Variants in ZNF728 observed in about 807,000 individuals in gnomAD.
ZNF728 encodes the protein zinc finger protein 728.
Under a neutral mutation model 12.5 loss-of-function variants are expected in ZNF728, and 12 were observed. The ratio of observed to expected loss-of-function variants is 0.96; its 90% confidence interval spans 0.61 to 1.55. The LOEUF (loss-of-function observed/expected upper bound fraction) is 1.55. Ranked by LOEUF, ZNF728 falls within the 40% of genes most tolerant of loss-of-function variation. The pLI is 0.00. For missense variants in ZNF728, 692 were observed against 719.2 expected (o/e 0.96, Z 0.43); for synonymous variants, 205 against 240.7 (o/e 0.85, Z 1.37).
At position 22,976,830 on chromosome 19, in the gene ZNF728, T is replaced by C. The variant is rs1968809127; in HGVS notation, c.507A>G (p.Gly169=). The C allele has an allele frequency of 6.2e-7, 1 of 1,613,450 alleles. No homozygotes were observed. The highest frequency in any genetic ancestry group is 2.2e-5 in the East Asian group (1 of 44,826). The change falls in exon 4 of 4, where the codon GGA becomes GGG. Residue 169 remains glycine, a synonymous_variant. Coordinates refer to ENST00000594710, the MANE Select transcript of ZNF728 (RefSeq NM_001267716.2). ...NSKRHKIRHT[G]KKLLKCKEYV... ...ATTCTTTACATTTCAAAAGTTTCTT[T>C]CCAGTATGCCTTATCTTATGTCTTT...
intron 3 of ZNF728, among the ~76,000 whole-genome samples, chr19:22,983,969 C>T (rs890521315): frequency 3.9e-5 from 6 of 151,974 alleles, no homozygotes; most frequent in East Asian, 1.9e-4. Context: ...CAAACCTGCA[C>T]GTTCTGCACA....
At chr19:22,985,134 A>G (rs1165261208) in intron 3 of ZNF728, among the ~76,000 whole-genome samples, 3 of 152,226 alleles carry the variant, frequency 2.0e-5, no homozygotes, top group Non-Finnish European at 4.4e-5. Context: ...AAAAAGCAGA[A>G]AATGTTCTAC....
intron 3 of ZNF728, among the ~76,000 whole-genome samples, chr19:22,979,393 G>T (rs111696670): frequency 3.3e-5 from 5 of 151,980 alleles, no homozygotes; most frequent in African/African-American, 9.7e-5. Flanking sequence ...ATTTGATCGG[G>T]GTACCTGAAA....
In ZNF728 at chr19:22,975,699, G is replaced by A; in HGVS notation, c.1638C>T (p.Ile546=). Residue 546 remains isoleucine (I), a synonymous_variant, in exon 4 of 4, where the codon ATC becomes ATT. Coordinates refer to ENST00000594710, the MANE Select transcript of ZNF728 (RefSeq NM_001267716.2). Reference sequence around the variant, plus strand: ...TATGTTCACTAAGTCTTGAGGACCAGATGAAGGCTTTGCCACATTCTTCAC... The same window carrying A: ...TATGTTCACTAAGTCTTGAGGACCAAATGAAGGCTTTGCCACATTCTTCAC... ...YKCEECGKAF[I]WSSRLSEHKR... The A allele has an allele frequency of 6.2e-7, 1 of 1,610,124 alleles. No homozygotes were observed. Among genetic ancestry groups the A allele is most frequent in the Non-Finnish European group, 8.5e-7 (1 of 1,179,254 alleles).
chr19:22,981,106 A>C (rs537462799), intron 3 of ZNF728, among the ~76,000 whole-genome samples: 27 of 152,236 alleles, frequency 1.8e-4, no homozygotes, highest in Admixed American at 1.8e-3. Context: ...TGATTTTTTG[A>C]AAAGATCAAC....
Position 22,984,557 on chromosome 19 carries a change from CA to C in ZNF728, c.226+2750del, listed in dbSNP as rs398040954. On this transcript the variant is annotated intron_variant, in intron 3 of 3. Coordinates refer to ENST00000594710, the MANE Select transcript of ZNF728 (RefSeq NM_001267716.2). ...CTGGAGATAGAGCGAGACTCCATCT[CA>C]AAAAAAAAAAAAAAAAAATACACAC... Among the ~76,000 whole-genome samples, 181 of 77,018 alleles carry C rather than the reference CA, an allele frequency of 2.4e-3. 2 individuals are homozygous for C. Among genetic ancestry groups the C allele is most frequent in the Middle Eastern group, 9.8e-3 (1 of 102 alleles). 50.5% of individuals were successfully genotyped at this position (77,018 alleles called of 152,430 possible).
rs771600999 is a variant in ZNF728 at position 22,976,299 on chromosome 19, G to C, written c.1038C>G (p.Gly346=). The C allele has an allele frequency of 7.4e-6, 12 of 1,613,130 alleles. No individual in the cohort carries two copies. The Admixed American group carries it at 2.0e-4, about 27-fold the overall frequency. The change falls in exon 4 of 4, where the codon GGC becomes GGG. Residue 346 remains glycine, a synonymous_variant. Transcript: ENST00000594710. Reference sequence around the variant, plus strand: ...GGGTTGAGAAGTTACCAAAGGCTTTGCCACATTCTTCACATTTGCAGGGCT... The same window carrying C: ...GGGTTGAGAAGTTACCAAAGGCTTTCCCACATTCTTCACATTTGCAGGGCT... The part of the protein sequence containing the change: ...GEKPCKCEEC[G]KAFGNFSTLT...
At chr19:22,988,289 T>G in intron 2 of ZNF728, 36 bp downstream of exon 2, 1 of 1,613,798 alleles carries the variant, frequency 6.2e-7, no homozygotes, top group Non-Finnish European at 8.5e-7. Flanking sequence ...AAACCTATAG[T>G]GTATACTAGG....
At chr19:22,993,606 CA>C (rs1017422008) in intron 1 of ZNF728, among the ~76,000 whole-genome samples, 3 of 147,970 alleles carry the variant, frequency 2.0e-5, no homozygotes, top group Non-Finnish European at 3.0e-5. Flanking sequence ...TTTGCAAAGG[CA>C]AAAAAAAAGG....
rs374070261 is a variant in ZNF728 at position 22,975,459 on chromosome 19, C to T, written c.*9G>A. ...GGTTAAGAACTAATTGAAAGCTTTG[C>T]CACATTTTTCACATTTGTAGGGTTT... On this transcript the variant is annotated 3_prime_UTR_variant, in exon 4 of 4. Coordinates refer to ENST00000594710, the MANE Select transcript of ZNF728 (RefSeq NM_001267716.2). 1.3e-6 allele frequency: 2 copies of T among 1,533,808 alleles called. No homozygotes were observed. Among genetic ancestry groups the T allele is most frequent in the South Asian group, 1.3e-5 (1 of 78,590 alleles).
intron 3 of ZNF728, among the ~76,000 whole-genome samples, chr19:22,981,813 T>G (rs1968863833): frequency 6.6e-6 from 1 of 152,146 alleles, no homozygotes; most frequent in African/African-American, 2.4e-5. Context: ...GAAAAGGCCT[T>G]CGACAAAATT....
Position 22,976,379 on chromosome 19 carries a change from C to A in ZNF728, c.958G>T (p.Ala320Ser). 1 of 1,612,586 alleles carries A rather than the reference C, an allele frequency of 6.2e-7. No homozygotes were observed. The highest frequency in any genetic ancestry group is 2.2e-5 in the East Asian group (1 of 44,710). Residue 320 changes from alanine (A) to serine (S), a missense_variant, in exon 4 of 4, where the codon GCT becomes TCT. By Grantham distance (99) the Ala-to-Ser change is moderately conservative. Coordinates refer to ENST00000594710, the MANE Select transcript of ZNF728 (RefSeq NM_001267716.2). ...ATAAGGTTTGAGGACCGGTTGAAAG[C>A]TTTGCCACATTCTTCACATTTGTAG... ...KPYKCEECGKAFNRSSNLMEH... is the reference protein window; with the variant it reads ...KPYKCEECGKSFNRSSNLMEH...
Position 22,975,784 on chromosome 19 carries a change from C to G in ZNF728, c.1553G>C (p.Ser518Thr). 6.2e-7 allele frequency: 1 copy of G among 1,609,996 alleles called. No homozygotes were observed. The highest frequency in any genetic ancestry group is 8.5e-7 in the Non-Finnish European group (1 of 1,179,216). ...ATGTTTAGTAAGGTTTGCAACCTTA[C>G]TGAAGGCTTTGCCACATTCTTCACA... ...YKCEECGKAF[S>T]KVANLTKHKV... Residue 518 changes from serine (S) to threonine (T), a missense_variant, in exon 4 of 4, where the codon AGT becomes ACT. This residue lies in a region of ZNF728 where 244 missense variants were observed against 235.2 expected (regional missense o/e 1.04). Coordinates refer to ENST00000594710, the MANE Select transcript of ZNF728 (RefSeq NM_001267716.2).
intron 1 of ZNF728, among the ~76,000 whole-genome samples, chr19:22,989,986 CA>C (rs1968967893): frequency 6.6e-6 from 1 of 152,074 alleles, no homozygotes; most frequent in African/African-American, 2.4e-5. Context: ...TCAACAGCCA[CA>C]AAGGGACATT....
At chr19:22,987,287 T>C (rs373050266) in intron 3 of ZNF728, 21 bp downstream of exon 3, 19 of 1,603,352 alleles carry the variant, frequency 1.2e-5, no homozygotes, top group East Asian at 4.5e-5. Context: ...ATCCATGTTG[T>C]CTGTATTCAT....
intron 1 of ZNF728, among the ~76,000 whole-genome samples, chr19:22,989,834 T>C (rs556947977): frequency 7.9e-5 from 12 of 152,164 alleles, no homozygotes; most frequent in Non-Finnish European, 1.6e-4. Flanking sequence ...CTATACTGCT[T>C]CAATGAGTGG....
chr19:22,982,826 G>T lies in ZNF728; in HGVS notation c.226+4482C>A, dbSNP rs1035966636. ...CTAGCCATACTCAGAAAACTGAACT[G>T]GACCCCTTCCTTATACCTTATATAA... On this transcript the variant is annotated intron_variant, in intron 3 of 3. Coordinates refer to ENST00000594710, the MANE Select transcript of ZNF728 (RefSeq NM_001267716.2). Among the ~76,000 whole-genome samples the T allele has an allele frequency of 1.3e-5, 2 of 151,938 alleles. 1 individual carries two copies. The highest frequency in any genetic ancestry group is 1.3e-4 in the Admixed American group (2 of 15,248).
chr19:22,985,173 T>G (rs1968902611), intron 3 of ZNF728, among the ~76,000 whole-genome samples: 1 of 152,130 alleles, frequency 6.6e-6, no homozygotes. Context: ...TTGATAACAT[T>G]ATGCAAAATG....
intron 3 of ZNF728, among the ~76,000 whole-genome samples, chr19:22,980,294 A>ATCTTTGG (rs1968848903): frequency 6.6e-6 from 1 of 152,206 alleles, no homozygotes; most frequent in Non-Finnish European, 1.5e-5. Flanking sequence ...TGGGCATTAC[A>ATCTTTGG]TAATGGTAAA....
Sources: allele counts gnomAD v4.1 joint callset (sites outside exome capture counted in the v4.1 genomes callset), GRCh38; gene constraint gnomAD v4.1.1; regional missense constraint gnomAD v4.1.1; transcripts MANE v1.5; gene names NCBI Gene and HGNC (gene_info 2026-07-23, HGNC 2026-07-21).